Variants in CASZ1 observed in about 807,000 individuals in gnomAD.
CASZ1 encodes the protein zinc finger protein castor homolog 1.
CASZ1 carries 28 observed loss-of-function variants against 135.2 expected under a neutral mutation model. The ratio of observed to expected loss-of-function variants is 0.21; its 90% CI spans 0.15 to 0.28. The LOEUF (loss-of-function observed/expected upper bound fraction) is 0.28, where lower values mean the gene tolerates loss of function less well. Among genes scored for constraint, CASZ1 ranks in the 10% least tolerant of loss-of-function variants. The probability of loss-of-function intolerance (pLI) is 1.00; values close to 1 mark genes in which losing one functional copy is unlikely to be tolerated. For synonymous variants in CASZ1, 1,068 were observed against 1,073.4 expected, an observed-to-expected ratio of 0.99 and a Z score of 0.10; for missense variants, 2,161 against 2,453.3, an observed-to-expected ratio of 0.88 and a Z score of 2.52.
chr1:10,773,006 C>G (rs956486820), intron 1 of CASZ1, among the ~76,000 whole-genome samples: 1 of 152,002 alleles, frequency 6.6e-6, no homozygotes, highest in Non-Finnish European at 1.5e-5. Flanking sequence ...CTGGCCCCCA[C>G]TCACTAAGAT....
At chr1:10,672,498 C>A (rs1337919787) in intron 4 of CASZ1, among the ~76,000 whole-genome samples, 1 of 147,118 alleles carries the variant, frequency 6.8e-6, no homozygotes, top group Non-Finnish European at 1.5e-5. Flanking sequence ...CCGCCCCCCT[C>A]CCCGGGCCCA....
intron 2 of CASZ1, among the ~76,000 whole-genome samples, chr1:10,713,536 G>A (rs540575637): frequency 6.6e-6 from 1 of 152,308 alleles, no homozygotes; most frequent in South Asian, 2.1e-4. Context: ...GTGGCGCTTG[G>A]CCCTCACTAT....
chr1:10,782,682 T>A (rs1490081946), intron 1 of CASZ1, among the ~76,000 whole-genome samples: 2 of 151,816 alleles, frequency 1.3e-5, no homozygotes, highest in Non-Finnish European at 2.9e-5. Context: ...TACAGCTGGG[T>A]CTAGAGTTGA....
rs762383178 is a variant in CASZ1 at position 10,706,737 on chromosome 1, C to A, written c.-76-1193G>T. 1.3e-5 allele frequency among the ~76,000 whole-genome samples: 2 copies of A among 152,168 alleles called. No individual in the cohort carries two copies. Among genetic ancestry groups the A allele is most frequent in the Non-Finnish European group, 1.5e-5 (1 of 68,030 alleles). ...GCAGAGGGTGCCCACTGGGGCGGAG[C>A]CTGCCCTGCCAGATACAGGGCTCTG... On this transcript the variant is annotated intron_variant, in intron 2 of 20. Transcript: ENST00000377022. This position sits in a 1 kb window ranked among gnomAD's most constrained non-coding sequence, Gnocchi z 4.3.
rs1639917248 is a variant in CASZ1 at position 10,741,287 on chromosome 1, ATT to A, written c.-77+19412_-77+19413del. Reference sequence around the variant, plus strand: ...CGTGAGCCACTGCGCCTGGCTCTATATTGGGCTTTAAACGACATGAGGGCAGG... The same window carrying A: ...CGTGAGCCACTGCGCCTGGCTCTATAGGGCTTTAAACGACATGAGGGCAGG... On this transcript the variant is annotated intron_variant, in intron 2 of 20. Coordinates refer to ENST00000377022, the MANE Select transcript of CASZ1 (RefSeq NM_001079843.3). The surrounding 1 kb of genome is among the most constrained non-coding windows in gnomAD (Gnocchi z 5.0). 6.6e-6 allele frequency among the ~76,000 whole-genome samples: 1 copy of A among 152,126 alleles called. No homozygotes were observed. Among genetic ancestry groups the A allele is most frequent in the Non-Finnish European group, 1.5e-5 (1 of 68,016 alleles).
chr1:10,684,260 G>T (rs556546327), intron 4 of CASZ1, among the ~76,000 whole-genome samples: 1 of 152,148 alleles, frequency 6.6e-6, no homozygotes, highest in Non-Finnish European at 1.5e-5. Flanking sequence ...ATATGTTTGG[G>T]GGGAGAAGGC....
chr1:10,748,598 C>T (rs1221718030), intron 2 of CASZ1, among the ~76,000 whole-genome samples: 1 of 152,012 alleles, frequency 6.6e-6, no homozygotes, highest in Non-Finnish European at 1.5e-5. Context: ...TTCCAGAGCC[C>T]ATCTCTCTCC....
chr1:10,660,695 C>T (rs951437666), intron 5 of CASZ1, 159 bp from the exon 6 acceptor site: 7 of 586,572 alleles, frequency 1.2e-5, no homozygotes, highest in African/African-American at 7.5e-5. Flanking sequence ...TTAGGTTTTA[C>T]GACTCTTAAA....
In CASZ1 at chr1:10,638,848, GGCGCGGGGCTCTGCCCAGGGGCCGCTTC is replaced by G. The variant is rs1474874580; in HGVS notation, c.*66_*93del. On this transcript the variant is annotated 3_prime_UTR_variant, in exon 21 of 21. Transcript: ENST00000377022. This position sits in a 1 kb window ranked among gnomAD's most constrained non-coding sequence, Gnocchi z 5.9. ...ACTCGGGGTCCGGAAGCACCGGCGGGGCGCGGGGCTCTGCCCAGGGGCCGCTTCGCGCGGGGCGGCGCCGCTCCCGAGG... is the reference window on the plus strand; with the variant it reads ...ACTCGGGGTCCGGAAGCACCGGCGGGGCGCGGGGCGGCGCCGCTCCCGAGG... 4.6e-5 allele frequency: 45 copies of G among 972,832 alleles called. No individual in the cohort carries two copies. Among genetic ancestry groups the G allele is most frequent in the Admixed American group, 6.2e-5 (1 of 16,162 alleles). The allele number at this position is 972,832 out of a possible 1,614,324, so 60.3% of individuals were successfully genotyped here.
intron 1 of CASZ1, among the ~76,000 whole-genome samples, chr1:10,786,935 C>T (rs1194040673): frequency 3.9e-5 from 6 of 152,124 alleles, no homozygotes; most frequent in Admixed American, 1.3e-4. Flanking sequence ...CCCAGGCTCA[C>T]GGCTTTCTGG....
chr1:10,698,120 C>T (rs1046026533), intron 3 of CASZ1, among the ~76,000 whole-genome samples: 1 of 152,180 alleles, frequency 6.6e-6, no homozygotes, highest in African/African-American at 2.4e-5. Context: ...GAGCGAGGGC[C>T]GCGCCGAGTG....
In CASZ1 at chr1:10,741,998, C is replaced by A. The variant is rs1468096884; in HGVS notation, c.-77+18703G>T. Among the ~76,000 whole-genome samples, 1 of 152,106 alleles carries A rather than the reference C, an allele frequency of 6.6e-6. No homozygotes were observed. The highest frequency in any genetic ancestry group is 1.5e-5 in the Non-Finnish European group (1 of 68,028). On this transcript the variant is annotated intron_variant, in intron 2 of 20. Coordinates refer to ENST00000377022, the MANE Select transcript of CASZ1 (RefSeq NM_001079843.3). The surrounding 1 kb of genome is among the most constrained non-coding windows in gnomAD (Gnocchi z 5.0). ...CCCCTCACCGCTTCTCACGTGCCCC[C>A]AGCCGCAACCCCACCACGGCTGCTC...
At chr1:10,655,016 C>T (rs991688024) in intron 9 of CASZ1, among the ~76,000 whole-genome samples, 2 of 152,190 alleles carry the variant, frequency 1.3e-5, no homozygotes, top group Admixed American at 1.3e-4. Context: ...AGTCCCTGGG[C>T]ACGGGGCCCT....
Position 10,792,385 on chromosome 1 carries a change from G to C in CASZ1, c.-234+4179C>G, listed in dbSNP as rs140089341. Among the ~76,000 whole-genome samples, 198 of 140,060 alleles carry C rather than the reference G, an allele frequency of 1.4e-3. 9 individuals carry two copies. The East Asian group carries it at 0.046, about 33-fold the overall frequency. The allele number at this position is 140,060 out of a possible 152,430, so 91.9% of individuals were successfully genotyped here. A position where few individuals can be genotyped will look rare whatever the true frequency, so the allele number is the denominator to read the frequency against. The stretch of plus-strand genomic sequence containing the variant: ...ATGGAAATGTGGAGGGGTGGGGTTG[G>C]GGGGGGTGTCCAGTTGAAAAAGTAA... On this transcript the variant is annotated intron_variant, in intron 1 of 20. Transcript: ENST00000377022.
chr1:10,642,865 C>T lies in CASZ1; in HGVS notation c.4156G>A (p.Ala1386Thr), dbSNP rs373145502. The T allele has an allele frequency of 1.3e-5, 21 of 1,612,462 alleles. No individual in the cohort carries two copies. In the East Asian group the frequency reaches 1.3e-4, roughly 10 times the overall value. The change falls in exon 20 of 21, where the codon GCG (alanine) becomes ACG (threonine). Residue 1386 changes from alanine to threonine, a missense_variant. Transcript: ENST00000377022. ...SSTPVGNEST[A>T]AGNTISMPTA... ...GCCCCTGCCTGCCGCTCACCTGCCG[C>T]GGTGCTCTCGTTACCCACGGGGGTG...
intron 8 of CASZ1, among the ~76,000 whole-genome samples, 182 bp downstream of exon 8, chr1:10,656,464 C>T (rs1642798437): frequency 6.6e-6 from 1 of 152,190 alleles, no homozygotes; most frequent in Non-Finnish European, 1.5e-5. Context: ...GCTGCTCTGT[C>T]GGCAGGAATC....
In CASZ1 at chr1:10,698,978, C is replaced by T. The variant is rs576019859; in HGVS notation, c.-23-5066G>A. 1.6e-4 allele frequency among the ~76,000 whole-genome samples: 24 copies of T among 152,320 alleles called. 1 individual carries two copies. Among genetic ancestry groups the T allele is most frequent in the Admixed American group, 1.4e-3 (21 of 15,304 alleles). On this transcript the variant is annotated intron_variant, in intron 3 of 20. Coordinates refer to ENST00000377022, the MANE Select transcript of CASZ1 (RefSeq NM_001079843.3). The stretch of plus-strand genomic sequence containing the variant: ...CTTACCCAAGCACTGGCTCTCCAGC[C>T]ACTCAGCTCCCCCACCGCTCCCCCA...
rs539657051 is a variant in CASZ1 at position 10,646,703 on chromosome 1, G to T, written c.3498-377C>A. On this transcript the variant is annotated intron_variant, in intron 16 of 20. Coordinates refer to ENST00000377022, the MANE Select transcript of CASZ1 (RefSeq NM_001079843.3). The surrounding 1 kb of genome is among the most constrained non-coding windows in gnomAD (Gnocchi z 6.4). ...CCTGGCGGGGTGCCGTGAGGCCCTGGCTGGCGTGGCATGGGCGCCACCGTG... is the reference window on the plus strand; with the variant it reads ...CCTGGCGGGGTGCCGTGAGGCCCTGTCTGGCGTGGCATGGGCGCCACCGTG... Among the ~76,000 whole-genome samples the T allele has an allele frequency of 6.6e-6, 1 of 152,340 alleles. No homozygotes were observed. Among genetic ancestry groups the T allele is most frequent in the African/African-American group, 2.4e-5 (1 of 41,566 alleles).
intron 2 of CASZ1, among the ~76,000 whole-genome samples, chr1:10,729,272 A>G (rs559792041): frequency 6.6e-6 from 1 of 152,112 alleles, no homozygotes; most frequent in African/African-American, 2.4e-5. Flanking sequence ...AGACGGCTGC[A>G]GGGGGGCTTC....
Sources: allele counts gnomAD v4.1 joint callset (sites outside exome capture counted in the v4.1 genomes callset), GRCh38; gene constraint gnomAD v4.1.1; non-coding constraint Gnocchi (gnomAD v3.1); transcripts MANE v1.5; gene names NCBI Gene and HGNC (gene_info 2026-07-23, HGNC 2026-07-21).